The following FHL5 variants were observed in gnomAD, a reference collection of about 807,000 sequenced individuals.
FHL5 encodes the protein four and a half LIM domains 5, also known as four and a half LIM domains protein 5.
In FHL5, 33 loss-of-function variants were observed where a neutral mutation model predicts 32.0. The ratio of observed to expected loss-of-function variants is 1.03; its 90% CI spans 0.78 to 1.38. The LOEUF (loss-of-function observed/expected upper bound fraction) is 1.38. FHL5 is among the 40% of genes most tolerant of loss of function. FHL5 has a pLI of 0.00. For synonymous variants in FHL5, 114 were observed against 113.6 expected (o/e 1.00, Z -0.02); for missense variants, 336 against 343.9 (o/e 0.98, Z 0.18).
intron 5 of FHL5, 97 bp from the exon 6 acceptor site, chr6:96,615,512 C>A: frequency 1.0e-6 from 1 of 994,344 alleles, no homozygotes; most frequent in South Asian, 2.0e-5. Context: ...TTGTTTTGCT[C>A]ATAGCTCTAT....
At chr6:96,592,252 G>A (rs143966467) in intron 1 of FHL5, among the ~76,000 whole-genome samples, 1 of 152,104 alleles carries the variant, frequency 6.6e-6, no homozygotes, top group South Asian at 2.1e-4. Flanking sequence ...GGGGGCCATT[G>A]TAGAGGCCCA....
At position 96,595,394 on chromosome 6, in the gene FHL5, C is replaced by T. The variant is rs115756499; in HGVS notation, c.-12-8208C>T. On this transcript the variant is annotated intron_variant, in intron 1 of 5. Coordinates refer to ENST00000450218, the MANE Select transcript of FHL5 (RefSeq NM_001322466.2). ...TGAATGTCTTTAAGATCATCTTTGT[C>T]TCTGGAATATGACATCTTTACTATG... Among the ~76,000 whole-genome samples the T allele has an allele frequency of 1.7e-3, 263 of 151,324 alleles. 1 individual carries two copies. The highest frequency in any genetic ancestry group is 5.7e-3 in the African/African-American group (234 of 41,322).
chr6:96,572,984 G>A (rs1251513489), intron 1 of FHL5, among the ~76,000 whole-genome samples: 1 of 152,180 alleles, frequency 6.6e-6, no homozygotes, highest in East Asian at 1.9e-4. Context: ...GGGGCTTCTA[G>A]TTGGCTATCT....
intron 1 of FHL5, among the ~76,000 whole-genome samples, chr6:96,586,049 C>T (rs1007804743): frequency 4.6e-5 from 7 of 152,096 alleles, no homozygotes; most frequent in Admixed American, 1.3e-4. Flanking sequence ...AAAGAAATAA[C>T]TTCATTGTCT....
At chr6:96,603,197 T>C (rs1771193509) in intron 1 of FHL5, among the ~76,000 whole-genome samples, 1 of 152,208 alleles carries the variant, frequency 6.6e-6, no homozygotes, top group Admixed American at 6.5e-5. Context: ...AAAATCTGCC[T>C]CTAGAATTTT....
chr6:96,567,861 G>C (rs1582454817), intron 1 of FHL5, among the ~76,000 whole-genome samples: 1 of 86,708 alleles, frequency 1.2e-5, no homozygotes, highest in Admixed American at 1.3e-4. Context: ...CAACTTTACT[G>C]AATCTGTTTA....
chr6:96,575,989 C>T (rs1770576595), intron 1 of FHL5, among the ~76,000 whole-genome samples: 1 of 152,158 alleles, frequency 6.6e-6, no homozygotes, highest in Non-Finnish European at 1.5e-5. Context: ...AGTATGGATA[C>T]CACCCTCCAG....
intron 1 of FHL5, among the ~76,000 whole-genome samples, chr6:96,570,923 T>C (rs1770463101): frequency 6.6e-6 from 1 of 152,148 alleles, no homozygotes; most frequent in Non-Finnish European, 1.5e-5. Context: ...TAATTGTGTA[T>C]CTGTGTTTCC....
At chr6:96,584,138 C>T (rs1243733496) in intron 1 of FHL5, among the ~76,000 whole-genome samples, 1 of 152,052 alleles carries the variant, frequency 6.6e-6, no homozygotes, top group African/African-American at 2.4e-5. Context: ...GAAAGACATA[C>T]ATAGGACAAA....
chr6:96,563,714 G>A (rs1770295294), intron 1 of FHL5, among the ~76,000 whole-genome samples: 2 of 151,936 alleles, frequency 1.3e-5, no homozygotes, highest in South Asian at 4.1e-4. Flanking sequence ...ATTTTATTTG[G>A]CTTAATTTAT....
At chr6:96,602,426 C>CTTTCTTTTTT (rs1771169538) in intron 1 of FHL5, among the ~76,000 whole-genome samples, 1 of 33,684 alleles carries the variant, frequency 3.0e-5, no homozygotes, top group African/African-American at 8.3e-5. Context: ...TGCGTTGTTT[C>CTTTCTTTTTT]TTTTTTTTTT....
intron 1 of FHL5, among the ~76,000 whole-genome samples, chr6:96,565,532 T>A (rs1242989831): frequency 6.6e-6 from 1 of 152,218 alleles, no homozygotes; most frequent in South Asian, 2.1e-4. Context: ...TCTCACTTGA[T>A]TTTTAGCAAA....
At chr6:96,601,840 T>A (rs1034883410) in intron 1 of FHL5, among the ~76,000 whole-genome samples, 9 of 152,262 alleles carry the variant, frequency 5.9e-5, no homozygotes, top group African/African-American at 2.2e-4. Context: ...TAGATCTATT[T>A]TCCTGCTGTT....
intron 1 of FHL5, among the ~76,000 whole-genome samples, chr6:96,566,775 C>A (rs1770367042): frequency 6.6e-6 from 1 of 151,804 alleles, no homozygotes. Context: ...TTTGTACCTA[C>A]CTGTTGGCCA....
At chr6:96,570,093 T>C (rs945906253) in intron 1 of FHL5, among the ~76,000 whole-genome samples, 1 of 152,048 alleles carries the variant, frequency 6.6e-6, no homozygotes, top group African/African-American at 2.4e-5. Flanking sequence ...TTTTGGTGTG[T>C]TTTCATGACA....
chr6:96,616,410 T>A lies in FHL5; in HGVS notation c.*638T>A, dbSNP rs924989373. On this transcript the variant is annotated 3_prime_UTR_variant, in exon 6 of 6. Transcript: ENST00000450218. ...TGGAATATGAGAACTGAGGACATTA[T>A]GGCTCTCATAATCTGCATAGGTATA... is the stretch of plus-strand genomic sequence containing the variant. 1 of 152,230 alleles carries A rather than the reference T, an allele frequency of 6.6e-6. No homozygotes were observed. The highest frequency in any genetic ancestry group is 1.5e-5 in the Non-Finnish European group (1 of 68,044). 9.4% of individuals were successfully genotyped at this position (152,230 alleles called of 1,614,324 possible).
At chr6:96,566,161 C>T (rs1289853497) in intron 1 of FHL5, among the ~76,000 whole-genome samples, 3 of 152,000 alleles carry the variant, frequency 2.0e-5, no homozygotes, top group Admixed American at 2.0e-4. Context: ...CTTCCCCCTA[C>T]CCTTTTCTGC....
chr6:96,610,895 G>A, intron 5 of FHL5, 137 bp downstream of exon 5: 2 of 633,294 alleles, frequency 3.2e-6, no homozygotes, highest in East Asian at 2.6e-5. Context: ...ACACAAGTGG[G>A]TGCATATATA....
chr6:96,576,001 T>A (rs1562052878), intron 1 of FHL5, among the ~76,000 whole-genome samples: 1 of 152,296 alleles, frequency 6.6e-6, no homozygotes, highest in Admixed American at 6.5e-5. Context: ...ACCCTCCAGT[T>A]CTAGTGGTGC....
Sources: gnomAD v4.1 joint callset for allele counts (sites outside exome capture counted in the v4.1 genomes callset) on GRCh38, gnomAD v4.1.1 for gene constraint, MANE v1.5 for transcripts, NCBI Gene and HGNC (gene_info 2026-07-23, HGNC 2026-07-21) for gene names.